EEIG2: variants seen among roughly 807,000 people sequenced by gnomAD.
EEIG2 encodes family with sequence similarity 102 member B.
At chr1:108,628,598 T>G in the EEIG2 span, 83,895 of 1,586,488 alleles carry the variant, frequency 0.053, 2,621 homozygotes, top group Non-Finnish European at 0.063. Flanking sequence ...TCCTTTTAGT[T>G]TAAAGAATAA....
At chr1:108,617,402 A>T in the EEIG2 span, among the ~76,000 whole-genome samples, 71 of 152,292 alleles carry the variant, frequency 4.7e-4, no homozygotes, top group African/African-American at 1.7e-3. Flanking sequence ...TAACTGGAAG[A>T]ATGGTGCTCT....
the EEIG2 span, among the ~76,000 whole-genome samples, chr1:108,598,982 A>T: frequency 3.0e-4 from 45 of 152,130 alleles, no homozygotes; most frequent in African/African-American, 9.9e-4. Context: ...CCTGGATAAC[A>T]TAGAGAGACC....
chr1:108,600,491 G>A, the EEIG2 span: 1 of 1,524,766 alleles, frequency 6.6e-7, no homozygotes, highest in Non-Finnish European at 9.0e-7. Context: ...TTAGACTTGA[G>A]TGAAAGTATG....
chr1:108,606,217 T>C, the EEIG2 span: 1 of 1,553,260 alleles, frequency 6.4e-7, no homozygotes, highest in Non-Finnish European at 8.8e-7. Context: ...TTTCTGTCTT[T>C]GGCAGGAATT....
chr1:108,593,056 G>T, the EEIG2 span, among the ~76,000 whole-genome samples: 1 of 152,152 alleles, frequency 6.6e-6, no homozygotes, highest in Non-Finnish European at 1.5e-5. Flanking sequence ...TACTCGGGAG[G>T]CTGAGACAGA....
At chr1:108,571,484 A>G in the EEIG2 span, among the ~76,000 whole-genome samples, 15 of 152,302 alleles carry the variant, frequency 9.8e-5, no homozygotes, top group Middle Eastern at 6.8e-3. Context: ...GAGCAACAGA[A>G]TGAGTTGAAG....
At chr1:108,631,553 A>G in the EEIG2 span, among the ~76,000 whole-genome samples, 2 of 152,248 alleles carry the variant, frequency 1.3e-5, no homozygotes, top group African/African-American at 4.8e-5. Context: ...AGAATAAAAA[A>G]TAAGTGGGGG....
the EEIG2 span, among the ~76,000 whole-genome samples, chr1:108,632,396 A>T: frequency 6.6e-6 from 1 of 152,102 alleles, no homozygotes; most frequent in East Asian, 1.9e-4. Context: ...TCTTCTTCTC[A>T]TGTGCACAGT....
the EEIG2 span, among the ~76,000 whole-genome samples, chr1:108,601,801 T>A: frequency 6.6e-6 from 1 of 152,192 alleles, no homozygotes; most frequent in African/African-American, 2.4e-5. Context: ...TACCATTTTT[T>A]ACCTATAAAG....
chr1:108,635,744 TAAATG>T, the EEIG2 span: 1 of 152,302 alleles, frequency 6.6e-6, no homozygotes, highest in African/African-American at 2.4e-5. Flanking sequence ...GTATCAGTCA[TAAATG>T]AAATAACAAG....
At chr1:108,571,364 G>A in the EEIG2 span, among the ~76,000 whole-genome samples, 2 of 152,078 alleles carry the variant, frequency 1.3e-5, no homozygotes, top group Admixed American at 6.6e-5. Context: ...GCCAGGTTTC[G>A]GTTAGACAAT....
the EEIG2 span, chr1:108,635,617 C>T: frequency 1.3e-5 from 2 of 153,430 alleles, no homozygotes; most frequent in African/African-American, 4.8e-5. Context: ...AATTCCTGTT[C>T]TGGAAATCTT....
the EEIG2 span, among the ~76,000 whole-genome samples, chr1:108,581,996 C>T: frequency 1.3e-5 from 2 of 152,038 alleles, no homozygotes; most frequent in Admixed American, 1.3e-4. Flanking sequence ...AAGAAATTGC[C>T]ACAGCCACCC....
At chr1:108,615,819 T>C in the EEIG2 span, among the ~76,000 whole-genome samples, 4 of 151,206 alleles carry the variant, frequency 2.6e-5, no homozygotes, top group East Asian at 5.8e-4. Context: ...TAAATTCTGA[T>C]CTAAAGCTGG....
the EEIG2 span, among the ~76,000 whole-genome samples, chr1:108,585,680 G>C: frequency 7.2e-5 from 11 of 152,084 alleles, no homozygotes; most frequent in African/African-American, 2.7e-4. Context: ...ATAGTAGGCT[G>C]TGCTGCTGTG....
At chr1:108,625,541 G>T in the EEIG2 span, 47 of 152,000 alleles carry the variant, frequency 3.1e-4, no homozygotes, top group Non-Finnish European at 5.3e-4. Context: ...TCCTGTTTTG[G>T]GATCAGTGGA....
the EEIG2 span, among the ~76,000 whole-genome samples, chr1:108,587,672 T>C: frequency 6.6e-6 from 1 of 152,180 alleles, no homozygotes. Context: ...TTTAATTTCC[T>C]ATATCCTTGC....
At chr1:108,588,424 G>T in the EEIG2 span, among the ~76,000 whole-genome samples, 1 of 152,060 alleles carries the variant, frequency 6.6e-6, no homozygotes, top group Non-Finnish European at 1.5e-5. Context: ...TTAACTCATT[G>T]CGGTTTTGAT....
the EEIG2 span, chr1:108,631,121 T>C: frequency 5.5e-4 from 219 of 401,086 alleles, 1 homozygote; most frequent in Non-Finnish European, 7.7e-4. Context: ...TTTAGATCTT[T>C]GATTGACTCA....
Sources: gnomAD v4.1 joint callset for allele counts (sites outside exome capture counted in the v4.1 genomes callset) on GRCh38, gnomAD v4.1.1 for gene constraint, MANE v1.5 for transcripts, NCBI Gene and HGNC (gene_info 2026-07-23, HGNC 2026-07-21) for gene names.